Variants in STOX2 observed in about 807,000 individuals in gnomAD.
STOX2 encodes storkhead box 2, also known as storkhead-box protein 2.
A neutral mutation model predicts 60.9 loss-of-function variants in STOX2; 28 were observed. That is an observed-to-expected ratio of 0.46 (90% CI 0.34 to 0.63). The LOEUF (loss-of-function observed/expected upper bound fraction) is 0.63, where lower values mean the gene tolerates loss of function less well. STOX2 is among the 30% of genes least tolerant of loss of function. The pLI, the probability that STOX2 is intolerant of heterozygous loss-of-function variation, is 0.01. For missense variants in STOX2, 1,024 were observed against 1,187.7 expected, an observed-to-expected ratio of 0.86 and a Z score of 2.03; for synonymous variants, 472 against 463.9, an observed-to-expected ratio of 1.02 and a Z score of -0.22.
At chr4:183,859,564 C>T (rs12499183) in intron 1 of STOX2, among the ~76,000 whole-genome samples, 5 of 151,956 alleles carry the variant, frequency 3.3e-5, no homozygotes, top group Non-Finnish European at 7.4e-5. Context: ...ATGACAGAGG[C>T]GGCGGGGCCA....
intron 1 of STOX2, among the ~76,000 whole-genome samples, chr4:183,951,045 C>T (rs889945102): frequency 1.3e-5 from 2 of 151,746 alleles, no homozygotes; most frequent in African/African-American, 2.4e-5. Context: ...GAAACCCCGT[C>T]TCTACTAAAA....
At chr4:183,940,211 T>G (rs920560815) in intron 1 of STOX2, among the ~76,000 whole-genome samples, 1 of 152,180 alleles carries the variant, frequency 6.6e-6, no homozygotes. Flanking sequence ...CCAGTATTTT[T>G]ATCATTTCTG....
intron 1 of STOX2, among the ~76,000 whole-genome samples, chr4:183,826,179 C>T (rs1055107030): frequency 2.0e-5 from 3 of 152,118 alleles, no homozygotes; most frequent in African/African-American, 2.4e-5. Context: ...GCAGTTGATT[C>T]GAGGACCAAG....
intron 1 of STOX2, among the ~76,000 whole-genome samples, chr4:183,984,107 C>G (rs1732754894): frequency 6.6e-6 from 1 of 152,254 alleles, no homozygotes; most frequent in Non-Finnish European, 1.5e-5. Context: ...CAGTCCTCTC[C>G]TTCCTTCAGC....
intron 1 of STOX2, among the ~76,000 whole-genome samples, chr4:183,992,656 A>T (rs1297755158): frequency 2.6e-5 from 4 of 152,236 alleles, no homozygotes; most frequent in Non-Finnish European, 5.9e-5. Flanking sequence ...AATTGTTATC[A>T]TCTAGGACTG....
Position 183,992,153 on chromosome 4 carries a change from G to A in STOX2, c.167-9172G>A, listed in dbSNP as rs372546298. On this transcript the variant is annotated intron_variant, in intron 1 of 3. Transcript: ENST00000308497. ...AGTTGGAAGGGGTAGAAGCGTGTTC[G>A]GTTTTAGGGGGGTTGGTTGGTAGCA... Among the ~76,000 whole-genome samples the A allele has an allele frequency of 6.6e-5, 10 of 152,288 alleles. No individual in the cohort carries two copies. The East Asian group carries it at 1.2e-3, about 18-fold the overall frequency.
chr4:183,884,327 C>A (rs1741031465), intron 1 of STOX2, among the ~76,000 whole-genome samples: 1 of 149,724 alleles, frequency 6.7e-6, no homozygotes. Context: ...TTAGTGTGAG[C>A]AGATGTGAAT....
chr4:183,983,116 C>G (rs1486049033), intron 1 of STOX2, among the ~76,000 whole-genome samples: 1 of 152,188 alleles, frequency 6.6e-6, no homozygotes, highest in Non-Finnish European at 1.5e-5. Flanking sequence ...TGTCTAACCA[C>G]ATCGTCTCTG....
intron 1 of STOX2, among the ~76,000 whole-genome samples, chr4:183,899,952 A>G (rs941336755): frequency 9.2e-5 from 14 of 152,204 alleles, no homozygotes; most frequent in African/African-American, 3.4e-4. Context: ...CTAGGGGCTA[A>G]TGGAGCTGGT....
chr4:183,907,068 A>G, intron 1 of STOX2, 112 bp downstream of exon 1: 1 of 945,244 alleles, frequency 1.1e-6, no homozygotes, highest in Non-Finnish European at 1.5e-6. Context: ...GCGATAAGTT[A>G]TGGGGAAAGC....
chr4:184,001,214 G>C lies in STOX2; in HGVS notation c.167-111G>C. 2.0e-6 allele frequency: 2 copies of C among 1,012,616 alleles called. No homozygotes were observed. The highest frequency in any genetic ancestry group is 3.2e-5 in the African/African-American group (2 of 63,340). 62.7% of individuals were successfully genotyped at this position (1,012,616 alleles called of 1,614,324 possible). A position where few individuals can be genotyped will look rare whatever the true frequency, so the allele number is the denominator to read the frequency against. Reference sequence around the variant, plus strand: ...GAATTGGCAAGCAGCTGCTATGTTCGGAGCTGACTGTGTTCGTCAGACCAG... The same window carrying C: ...GAATTGGCAAGCAGCTGCTATGTTCCGAGCTGACTGTGTTCGTCAGACCAG... On this transcript the variant is annotated intron_variant, in intron 1 of 3. Transcript: ENST00000308497. This position sits in a 1 kb window ranked among gnomAD's most constrained non-coding sequence, Gnocchi z 4.2.
At chr4:183,859,718 T>C (rs1334589085) in intron 1 of STOX2, among the ~76,000 whole-genome samples, 2 of 152,270 alleles carry the variant, frequency 1.3e-5, no homozygotes, top group African/African-American at 4.8e-5. Context: ...TTTCTGTATT[T>C]TTATGATTTT....
intron 1 of STOX2, among the ~76,000 whole-genome samples, chr4:183,934,897 G>A (rs1297883298): frequency 6.6e-6 from 1 of 152,232 alleles, no homozygotes; most frequent in East Asian, 1.9e-4. Flanking sequence ...TCGCCTCTTG[G>A]GGGTATCGCT....
chr4:184,010,011 C>A lies in STOX2; in HGVS notation c.1173C>A (p.Ile391=). 2 of 1,613,844 alleles carry A rather than the reference C, an allele frequency of 1.2e-6. No individual in the cohort carries two copies. Among genetic ancestry groups the A allele is most frequent in the Non-Finnish European group, 1.7e-6 (2 of 1,179,842 alleles). ...CTTCCGACGGTTCACATCTGGATAT[C>A]CCAGCTGAAAGAGAGTATGACTTTT... ...GDPSDGSHLD[I]PAEREYDFCD... The change falls in exon 3 of 4, where the codon ATC becomes ATA. Residue 391 remains isoleucine (I), a synonymous_variant. Coordinates refer to ENST00000308497, the MANE Select transcript of STOX2 (RefSeq NM_020225.3). This position sits in a 1 kb window ranked among gnomAD's most constrained non-coding sequence, Gnocchi z 4.5.
At chr4:183,855,559 G>A (rs937032752) in intron 1 of STOX2, among the ~76,000 whole-genome samples, 5 of 152,126 alleles carry the variant, frequency 3.3e-5, no homozygotes, top group Admixed American at 6.5e-5. Flanking sequence ...GGAGAAAAAC[G>A]AATGGTCGTC....
At chr4:183,929,648 G>T (rs1158379951) in intron 1 of STOX2, among the ~76,000 whole-genome samples, 1 of 152,116 alleles carries the variant, frequency 6.6e-6, no homozygotes, top group Non-Finnish European at 1.5e-5. Context: ...TCTTGCAGGG[G>T]ATTCATAACT....
chr4:183,803,175 A>C (rs544355689), intron 1 of STOX2, among the ~76,000 whole-genome samples: 1 of 152,284 alleles, frequency 6.6e-6, no homozygotes, highest in African/African-American at 2.4e-5. Flanking sequence ...TAGCACGGGA[A>C]AGATCCGTCC....
intron 1 of STOX2, among the ~76,000 whole-genome samples, chr4:183,922,406 G>A (rs74355005): frequency 1.3e-5 from 2 of 150,882 alleles, no homozygotes; most frequent in Admixed American, 1.3e-4. Context: ...GAGTGCAGTG[G>A]CGTGATCTTG....
At position 183,941,429 on chromosome 4, in the gene STOX2, G is replaced by A. The variant is rs746662738; in HGVS notation, c.166+34473G>A. 5.9e-5 allele frequency among the ~76,000 whole-genome samples: 9 copies of A among 152,240 alleles called. No individual in the cohort carries two copies. In the South Asian group the frequency reaches 1.0e-3, roughly 18 times the overall value. ...CTAAAAATACAAAAATTAGCCAGGC[G>A]TGGTGGTGGGTGCCTGTAATCCCAG... is the stretch of plus-strand genomic sequence containing the variant. On this transcript the variant is annotated intron_variant, in intron 1 of 3. Transcript: ENST00000308497.
Sources: allele counts gnomAD v4.1 joint callset (sites outside exome capture counted in the v4.1 genomes callset), GRCh38; gene constraint gnomAD v4.1.1; non-coding constraint Gnocchi (gnomAD v3.1); transcripts MANE v1.5; gene names NCBI Gene and HGNC (gene_info 2026-07-23, HGNC 2026-07-21).